The following GPHN variants were observed in gnomAD, a reference collection of about 807,000 sequenced individuals.
GPHN encodes the protein gephyrin.
In GPHN, 17 loss-of-function variants were observed where a neutral mutation model predicts 95.5. That is an observed-to-expected ratio of 0.18 (90% CI 0.12 to 0.27). The LOEUF (loss-of-function observed/expected upper bound fraction) is 0.27. GPHN is among the 10% of genes least tolerant of loss of function. GPHN has a pLI of 1.00. For synonymous variants in GPHN, 320 were observed against 322.5 expected (o/e 0.99, Z 0.08); for missense variants, 660 against 978.1 (o/e 0.67, Z 4.34).
At chr14:66,731,048 C>G (rs2071719538) in intron 2 of GPHN, among the ~76,000 whole-genome samples, 1 of 152,196 alleles carries the variant, frequency 6.6e-6, no homozygotes, top group African/African-American at 2.4e-5. Flanking sequence ...CTGGCTCTCT[C>G]TTGCCTACCG....
the GPHN span, among the ~76,000 whole-genome samples, chr14:67,603,813 C>T: frequency 6.6e-6 from 1 of 152,102 alleles, no homozygotes; most frequent in South Asian, 2.1e-4. Context: ...TCCCAAGTAG[C>T]TGGGATTACA....
the GPHN span, among the ~76,000 whole-genome samples, chr14:67,463,946 T>C: frequency 6.6e-6 from 1 of 152,164 alleles, no homozygotes; most frequent in African/African-American, 2.4e-5. Flanking sequence ...GGTCCAATAC[T>C]GCCAACAACC....
intron 1 of GPHN, among the ~76,000 whole-genome samples, chr14:66,631,359 C>G (rs1156364476): frequency 6.6e-6 from 1 of 152,102 alleles, no homozygotes; most frequent in African/African-American, 2.4e-5. Flanking sequence ...CACAGTCGTC[C>G]TTTTTAACAG....
chr14:66,729,390 T>C (rs577517447), intron 2 of GPHN, among the ~76,000 whole-genome samples: 1 of 152,298 alleles, frequency 6.6e-6, no homozygotes, highest in Admixed American at 6.5e-5. Flanking sequence ...CCAAAAATCA[T>C]GAACGAAGAT....
At chr14:67,594,015 TGA>T in the GPHN span, 5 of 1,074,914 alleles carry the variant, frequency 4.7e-6, no homozygotes, top group Non-Finnish European at 7.0e-6. Context: ...CTCCAGGCAA[TGA>T]GGGGAACATG....
intron 1 of GPHN, among the ~76,000 whole-genome samples, chr14:66,666,092 G>T (rs1232064559): frequency 2.0e-5 from 3 of 148,350 alleles, no homozygotes; most frequent in Admixed American, 2.0e-4. Context: ...CACACACCGG[G>T]GCCTGTCGTG....
At chr14:67,524,637 C>T in the GPHN span, among the ~76,000 whole-genome samples, 1 of 152,184 alleles carries the variant, frequency 6.6e-6, no homozygotes. Flanking sequence ...GCGAGATGGG[C>T]TTGAATTAGA....
chr14:67,715,892 A>G, the GPHN span, among the ~76,000 whole-genome samples: 20,399 of 152,184 alleles, frequency 0.13, 1,411 homozygotes, highest in East Asian at 0.21. Context: ...CCCTGAGCTG[A>G]TGAGATAAGA....
At chr14:67,576,329 C>A in the GPHN span, 1 of 914,762 alleles carries the variant, frequency 1.1e-6, no homozygotes, top group Non-Finnish European at 1.7e-6. This position sits in a 1 kb window ranked among gnomAD's most constrained non-coding sequence, Gnocchi z 4.0. Flanking sequence ...AAGGAGTCCT[C>A]CTTGGAGCTC....
intron 3 of GPHN, among the ~76,000 whole-genome samples, chr14:66,816,558 G>A (rs1483384433): frequency 6.6e-6 from 1 of 152,072 alleles, no homozygotes; most frequent in African/African-American, 2.4e-5. Flanking sequence ...TGACTGTTTG[G>A]TAAATAATGA....
intron 10 of GPHN, among the ~76,000 whole-genome samples, chr14:67,045,719 C>G (rs1402419142): frequency 6.6e-6 from 1 of 151,422 alleles, no homozygotes; most frequent in Non-Finnish European, 1.5e-5. Context: ...CTCTCTCTCT[C>G]TGTCTGTCTC....
At position 67,139,180 on chromosome 14, in the gene GPHN, G is replaced by A. The variant is rs141373087; in HGVS notation, c.1749-4182G>A. ...GGAGGTTGCAGTGAGCCGAGATCGC[G>A]CCACTACACTCCAGCCTGGTCAACA... On this transcript the variant is annotated intron_variant, in intron 17 of 22. Transcript: ENST00000478722. Among the ~76,000 whole-genome samples, 49 of 151,024 alleles carry A rather than the reference G, an allele frequency of 3.2e-4. 1 individual carries two copies. Among genetic ancestry groups the A allele is most frequent in the Middle Eastern group, 3.4e-3 (1 of 290 alleles).
chr14:66,522,491 G>A (rs1210995641), intron 1 of GPHN, among the ~76,000 whole-genome samples: 1 of 152,182 alleles, frequency 6.6e-6, no homozygotes, highest in Non-Finnish European at 1.5e-5. Flanking sequence ...AAAGATGTGA[G>A]TAATAATTGT....
chr14:67,443,369 C>T, the GPHN span, among the ~76,000 whole-genome samples: 1 of 152,214 alleles, frequency 6.6e-6, no homozygotes, highest in African/African-American at 2.4e-5. Context: ...GAACACCTAC[C>T]ACTACCACAA....
chr14:67,156,407 AT>A (rs1247023101), intron 18 of GPHN, among the ~76,000 whole-genome samples: 1 of 152,202 alleles, frequency 6.6e-6, no homozygotes. Flanking sequence ...TTGAGTTGAT[AT>A]GTTTTAAGGT....
At chr14:66,745,012 A>T (rs1416427555) in intron 2 of GPHN, among the ~76,000 whole-genome samples, 2 of 152,132 alleles carry the variant, frequency 1.3e-5, no homozygotes, top group Non-Finnish European at 2.9e-5. Flanking sequence ...AAGGCCATTT[A>T]AGACAAACGT....
chr14:66,580,720 A>C (rs1376915195), intron 1 of GPHN, among the ~76,000 whole-genome samples: 2 of 151,900 alleles, frequency 1.3e-5, no homozygotes, highest in African/African-American at 4.8e-5. Context: ...TGATGCCTTT[A>C]CTGGTGAATT....
chr14:67,241,111 T>A, the GPHN span: 1 of 152,322 alleles, frequency 6.6e-6, no homozygotes, highest in South Asian at 2.1e-4. Context: ...CAGTCCGCGT[T>A]TTAGACTTAG....
the GPHN span, chr14:67,270,534 A>C: frequency 6.6e-6 from 1 of 151,764 alleles, no homozygotes; most frequent in Admixed American, 6.6e-5. Flanking sequence ...ATTTACACAC[A>C]ATGAGGTAAT....
Sources: allele counts gnomAD v4.1 joint callset (sites outside exome capture counted in the v4.1 genomes callset), GRCh38; gene constraint gnomAD v4.1.1; non-coding constraint Gnocchi (gnomAD v3.1); transcripts MANE v1.5; gene names NCBI Gene and HGNC (gene_info 2026-07-23, HGNC 2026-07-21).